Variants in TIMELESS observed in about 807,000 individuals in gnomAD.
The protein encoded by TIMELESS is protein timeless homolog.
In TIMELESS, 124 loss-of-function variants were observed where a neutral mutation model predicts 164.3. That is an observed-to-expected ratio of 0.75 (90% CI 0.65 to 0.88). The LOEUF is 0.88. Among genes scored for constraint, TIMELESS ranks in the 40% least tolerant of loss-of-function variants. The pLI is 0.00. For synonymous variants in TIMELESS, 564 were observed against 563.4 expected (o/e 1.00, Z -0.02); for missense variants, 1,422 against 1,491.4 (o/e 0.95, Z 0.77).
intron 22 of TIMELESS, 78 bp downstream of exon 22, chr12:56,421,649 G>C: frequency 6.4e-7 from 1 of 1,559,494 alleles, no homozygotes; most frequent in Non-Finnish European, 8.8e-7. Flanking sequence ...TCTTTCCTTG[G>C]GAATAAAAGG....
At chr12:56,424,350 A>T (rs1471156056) in intron 15 of TIMELESS, among the ~76,000 whole-genome samples, 1 of 152,260 alleles carries the variant, frequency 6.6e-6, no homozygotes, top group Non-Finnish European at 1.5e-5. Context: ...AATGATGCAT[A>T]TCTTTGGCTA....
Position 56,423,376 on chromosome 12 carries a change from G to A in TIMELESS, c.2190C>T (p.His730=). ...CCATTTTGAGGTCATGGGCCAGCCG[G>A]TGCAGCATCTTCACAATGCAATGGT... is the stretch of plus-strand genomic sequence containing the variant. ...HTNHCIVKML[H]RLAHDLKMEA... is the part of the protein sequence containing the mutation. Residue 730 remains histidine (H), a synonymous_variant, in exon 18 of 29, where the codon CAC becomes CAT. Transcript: ENST00000553532. 1 of 1,614,154 alleles carries A rather than the reference G, an allele frequency of 6.2e-7. No homozygotes were observed. The highest frequency in any genetic ancestry group is 8.5e-7 in the Non-Finnish European group (1 of 1,180,042).
chr12:56,428,330 G>A lies in TIMELESS; in HGVS notation c.1484C>T (p.Pro495Leu). 6.2e-7 allele frequency: 1 copy of A among 1,613,686 alleles called. No individual in the cohort carries two copies. The highest frequency in any genetic ancestry group is 8.5e-7 in the Non-Finnish European group (1 of 1,179,686). ...CACCAGGTCACGAAGGAAAGAGCGG[G>A]GCTGGCATCTCTCATCAAACTTTCG... is the stretch of plus-strand genomic sequence containing the variant. ...LFRKFDERCQ[P>L]RSFLRDLVET... Residue 495 changes from proline (P) to leucine (L), a missense_variant, in exon 13 of 29, where the codon CCC becomes CTC. Physicochemically the swap from Pro to Leu is moderately conservative, Grantham distance 98 (BLOSUM62 -3). Coordinates refer to ENST00000553532, the MANE Select transcript of TIMELESS (RefSeq NM_003920.5).
intron 19 of TIMELESS, 34 bp downstream of exon 19, chr12:56,422,807 TCCCCTA>T: frequency 3.5e-6 from 5 of 1,447,230 alleles, no homozygotes; most frequent in Non-Finnish European, 4.7e-6. Context: ...GCATCAAACT[TCCCCTA>T]CCCCCACCCA....
intron 26 of TIMELESS, 27 bp downstream of exon 26, chr12:56,420,542 G>C (rs750650174): frequency 1.3e-6 from 2 of 1,591,700 alleles, no homozygotes; most frequent in South Asian, 2.2e-5. Context: ...AACACGCCTT[G>C]GTTGACACTG....
intron 1 of TIMELESS, among the ~76,000 whole-genome samples, chr12:56,444,084 G>C (rs1455157010): frequency 6.6e-6 from 1 of 151,972 alleles, no homozygotes. Flanking sequence ...TTTTAGTAGA[G>C]ACATGGTTTC....
chr12:56,441,219 T>C (rs1270000249), intron 1 of TIMELESS, among the ~76,000 whole-genome samples: 1 of 152,232 alleles, frequency 6.6e-6, no homozygotes, highest in East Asian at 1.9e-4. Context: ...GAAGTGCTTT[T>C]AGAACACTAC....
chr12:56,418,466 T>C, intron 26 of TIMELESS, 107 bp from the exon 27 acceptor site: 1 of 755,388 alleles, frequency 1.3e-6, no homozygotes, highest in South Asian at 1.8e-5. Flanking sequence ...TCCACAAGGG[T>C]TGTGAACTCT....
intron 26 of TIMELESS, 152 bp from the exon 27 acceptor site, chr12:56,418,511 A>G: frequency 1.7e-6 from 1 of 590,164 alleles, no homozygotes; most frequent in Non-Finnish European, 3.0e-6. Context: ...ATATATACCC[A>G]GTGCCTAGCA....
chr12:56,422,482 G>A (rs775457093), intron 19 of TIMELESS, among the ~76,000 whole-genome samples: 1 of 152,204 alleles, frequency 6.6e-6, no homozygotes, highest in Admixed American at 6.5e-5. Flanking sequence ...AAGGAGAGGG[G>A]CTGAGATACT....
Position 56,433,921 on chromosome 12 carries a change from C to T in TIMELESS, c.103G>A (p.Val35Met), listed in dbSNP as rs370681411. ...CTCAAATAGCGGATCAGATCCTTCA[C>T]GCTCTCTTCAGAGACAGAACAAAAC... is the stretch of plus-strand genomic sequence containing the variant. ...YHKEPDCLESVKDLIRYLRHE... is the reference protein window; with the variant it reads ...YHKEPDCLESMKDLIRYLRHE... Residue 35 changes from valine to methionine, a missense_variant, in exon 3 of 29, where the codon GTG becomes ATG. Transcript: ENST00000553532. 1.2e-5 allele frequency: 20 copies of T among 1,614,034 alleles called. No homozygotes were observed. The highest frequency in any genetic ancestry group is 1.1e-4 in the African/African-American group (8 of 74,922).
chr12:56,420,630 T>A lies in TIMELESS; in HGVS notation c.3167A>T (p.Glu1056Val), dbSNP rs776826265. 8.1e-6 allele frequency: 13 copies of A among 1,614,138 alleles called. No homozygotes were observed. The highest frequency in any genetic ancestry group is 1.0e-5 in the Non-Finnish European group (12 of 1,180,046). Reference protein sequence around the residue: ...PLTEENEEAMENEQFQQLLRK... With the variant: ...PLTEENEEAMVNEQFQQLLRK... ...CAACAGCTGCTGAAACTGTTCGTTT[T>A]CCATGGCTTCCTCATTTTCCTCTGT... The change falls in exon 26 of 29, where the codon GAA becomes GTA. Residue 1056 changes from glutamate to valine, a missense_variant. Physicochemically the swap from Glu to Val is moderately radical, Grantham distance 121 (BLOSUM62 -2). Transcript: ENST00000553532.
chr12:56,416,823 A>T lies in TIMELESS; in HGVS notation c.*893T>A, dbSNP rs932417707. On this transcript the variant is annotated 3_prime_UTR_variant, in exon 29 of 29. Coordinates refer to ENST00000553532, the MANE Select transcript of TIMELESS (RefSeq NM_003920.5). ...ACTGCAACCTCTGCCTCCTGGGTTC[A>T]GGCAATTCTCCTGCCTCAGCCACCC... 6.6e-6 allele frequency: 1 copy of T among 151,626 alleles called. No homozygotes were observed. The highest frequency in any genetic ancestry group is 2.4e-5 in the African/African-American group (1 of 41,178). The allele number at this position is 151,626 out of a possible 1,614,324, so 9.4% of individuals were successfully genotyped here. A position where few individuals can be genotyped will look rare whatever the true frequency, so the allele number is the denominator to read the frequency against.
chr12:56,423,379 C>T lies in TIMELESS; in HGVS notation c.2187G>A (p.Leu729=), dbSNP rs776011004. 11 of 1,614,046 alleles carry T rather than the reference C, an allele frequency of 6.8e-6. No homozygotes were observed. Among genetic ancestry groups the T allele is most frequent in the South Asian group, 2.2e-5 (2 of 91,086 alleles). The change falls in exon 18 of 29, where the codon CTG becomes CTA. Residue 729 remains leucine (L), a synonymous_variant. Transcript: ENST00000553532. The stretch of plus-strand genomic sequence containing the variant: ...TTTTGAGGTCATGGGCCAGCCGGTG[C>T]AGCATCTTCACAATGCAATGGTTAG... The part of the protein sequence containing the change: ...AHTNHCIVKM[L]HRLAHDLKME...
Position 56,421,141 on chromosome 12 carries a change from T to C in TIMELESS, c.2869-7A>G, listed in dbSNP as rs758587830. 3 of 1,613,932 alleles carry C rather than the reference T, an allele frequency of 1.9e-6. No homozygotes were observed. The highest frequency in any genetic ancestry group is 1.7e-6 in the Non-Finnish European group (2 of 1,179,994). ...GGGACTCCGCTCCATTTGGCTAAAATTCATTGGGGGTTGGGGGAATGAAAA... is the reference window on the plus strand; with the variant it reads ...GGGACTCCGCTCCATTTGGCTAAAACTCATTGGGGGTTGGGGGAATGAAAA... On this transcript the variant is annotated splice_polypyrimidine_tract_variant and splice_region_variant and intron_variant, in intron 23 of 28. Coordinates refer to ENST00000553532, the MANE Select transcript of TIMELESS (RefSeq NM_003920.5).
At chr12:56,426,962 T>C (rs753548152) in intron 13 of TIMELESS, among the ~76,000 whole-genome samples, 1 of 152,090 alleles carries the variant, frequency 6.6e-6, no homozygotes. Context: ...TGTGAACCAA[T>C]AATTTTATTT....
At chr12:56,424,735 A>C in intron 15 of TIMELESS, 27 bp downstream of exon 15, 1 of 1,608,840 alleles carries the variant, frequency 6.2e-7, no homozygotes, top group East Asian at 2.2e-5. Context: ...CCCAAAGCCC[A>C]AGAGGATGAG....
intron 1 of TIMELESS, among the ~76,000 whole-genome samples, chr12:56,442,712 C>G (rs17118640): frequency 0.074 from 11,208 of 152,200 alleles, 1,353 homozygotes; most frequent in African/African-American, 0.25. Context: ...AAACGACCCT[C>G]TATAGTGATA....
rs762172230 is a variant in TIMELESS at position 56,420,620 on chromosome 12, CTG to C, written c.3175_3176del (p.Gln1059ValfsTer55). ...CTAGCTTGCGCAACAGCTGCTGAAA[CTG>C]TTCGTTTTCCATGGCTTCCTCATTT... ...EENEEAMENE[Q>X]FQQLLRKLGV... On this transcript the variant is annotated frameshift_variant, in exon 26 of 29. Coordinates refer to ENST00000553532, the MANE Select transcript of TIMELESS (RefSeq NM_003920.5). LOFTEE classifies it high-confidence loss of function. 2.5e-6 allele frequency: 4 copies of C among 1,614,250 alleles called. No homozygotes were observed. In the South Asian group the frequency reaches 3.3e-5, roughly 13 times the overall value.
Sources: allele counts gnomAD v4.1 joint callset (sites outside exome capture counted in the v4.1 genomes callset), GRCh38; gene constraint gnomAD v4.1.1; transcripts MANE v1.5; gene names NCBI Gene and HGNC (gene_info 2026-07-23, HGNC 2026-07-21).